Variants in ITPR1 observed in about 807,000 individuals in gnomAD.
ITPR1 encodes inositol 1,4,5-trisphosphate receptor type 1, also known as inositol 1,4,5-trisphosphate-gated calcium channel ITPR1.
ITPR1 carries 96 observed loss-of-function variants against 318.4 expected under a neutral mutation model. The observed-to-expected ratio is 0.30, with a 90% CI of 0.26 to 0.36. The LOEUF (loss-of-function observed/expected upper bound fraction) is 0.36. Among genes scored for constraint, ITPR1 ranks in the 10% least tolerant of loss-of-function variants. The probability of loss-of-function intolerance (pLI) is 1.00; values close to 1 mark genes in which losing one functional copy is unlikely to be tolerated. For missense variants in ITPR1, 2,440 were observed against 3,460.2 expected, an observed-to-expected ratio of 0.71 and a Z score of 7.40; for synonymous variants, 1,312 against 1,289.9, an observed-to-expected ratio of 1.02 and a Z score of -0.37.
At chr3:4,720,271 AGCT>A (rs1480531480) in intron 40 of ITPR1, among the ~76,000 whole-genome samples, 4 of 152,216 alleles carry the variant, frequency 2.6e-5, no homozygotes, top group African/African-American at 9.6e-5. Context: ...GACAGCTCTC[AGCT>A]GTGAGACACA....
intron 20 of ITPR1, 51 bp downstream of exon 20, chr3:4,670,977 A>G (rs1444766414): frequency 5.3e-6 from 7 of 1,315,104 alleles, no homozygotes. Flanking sequence ...AAACAGTGGC[A>G]CTTAGGAATT....
At chr3:4,656,519 A>G (rs7643701) in intron 12 of ITPR1, among the ~76,000 whole-genome samples, 21,125 of 152,166 alleles carry the variant, frequency 0.14, 3,140 homozygotes, top group African/African-American at 0.37. Flanking sequence ...AGGGATGAGC[A>G]ATTAGAGGAG....
At chr3:4,643,097 A>G (rs1197500860) in intron 7 of ITPR1, among the ~76,000 whole-genome samples, 2 of 152,208 alleles carry the variant, frequency 1.3e-5, no homozygotes, top group Non-Finnish European at 2.9e-5. Context: ...TAGGGAATGT[A>G]CCAGAAACAT....
intron 35 of ITPR1, among the ~76,000 whole-genome samples, chr3:4,702,352 G>C (rs976181549): frequency 6.6e-6 from 1 of 152,308 alleles, no homozygotes; most frequent in Non-Finnish European, 1.5e-5. Flanking sequence ...CCACGTATCA[G>C]TTTGTTTTTG....
intron 2 of ITPR1, among the ~76,000 whole-genome samples, chr3:4,512,774 T>C (rs2081930748): frequency 1.3e-5 from 2 of 152,158 alleles, no homozygotes; most frequent in South Asian, 4.1e-4. Flanking sequence ...CCTCTTGAAG[T>C]TAAATTATCC....
chr3:4,717,049 C>T (rs1437901425), intron 39 of ITPR1, among the ~76,000 whole-genome samples: 2 of 152,212 alleles, frequency 1.3e-5, no homozygotes, highest in Non-Finnish European at 2.9e-5. Flanking sequence ...GGAATTTGCC[C>T]TTGCTCCCAG....
At chr3:4,657,475 T>G (rs907660677) in intron 12 of ITPR1, among the ~76,000 whole-genome samples, 5 of 151,302 alleles carry the variant, frequency 3.3e-5, no homozygotes, top group African/African-American at 1.2e-4. Flanking sequence ...AAAGATTTTT[T>G]TTTTTTTTTT....
intron 4 of ITPR1, among the ~76,000 whole-genome samples, chr3:4,610,694 G>A (rs1383750437): frequency 6.6e-6 from 1 of 152,128 alleles, no homozygotes; most frequent in Non-Finnish European, 1.5e-5. Context: ...CATGGTTACT[G>A]TTTGTTACTC....
intron 4 of ITPR1, among the ~76,000 whole-genome samples, chr3:4,590,651 C>T (rs755222614): frequency 1.3e-5 from 2 of 152,006 alleles, no homozygotes; most frequent in Non-Finnish European, 2.9e-5. Flanking sequence ...TGAGCTCAAG[C>T]GATCCTCTTG....
intron 22 of ITPR1, among the ~76,000 whole-genome samples, chr3:4,674,723 A>C (rs2094150246): frequency 6.6e-6 from 1 of 152,100 alleles, no homozygotes; most frequent in Non-Finnish European, 1.5e-5. Flanking sequence ...GCCTTTTAAG[A>C]GCTGTATTGC....
intron 39 of ITPR1, among the ~76,000 whole-genome samples, chr3:4,713,624 A>C (rs539664843): frequency 6.6e-5 from 10 of 152,300 alleles, no homozygotes; most frequent in African/African-American, 2.2e-4. Context: ...CCGCATGAGA[A>C]ATGTCGTAAT....
chr3:4,537,184 C>T (rs1035073045), intron 4 of ITPR1, among the ~76,000 whole-genome samples: 2 of 151,994 alleles, frequency 1.3e-5, no homozygotes, highest in Non-Finnish European at 2.9e-5. Flanking sequence ...TTTTTTTATT[C>T]TCTAGGGGAG....
rs1460918525 is a variant in ITPR1 at position 4,800,509 on chromosome 3, A to G, written c.7016A>G (p.His2339Arg). 6.2e-7 allele frequency: 1 copy of G among 1,613,878 alleles called. No individual in the cohort carries two copies. ...ATCGTCATTGCCCTCCCCAAGCCCC[A>G]TGGCATCCGGGCCTTAATTGCCTCC... is the stretch of plus-strand genomic sequence containing the variant. Reference protein sequence around the residue: ...LAIVIALPKPHGIRALIASTI... With the variant: ...LAIVIALPKPRGIRALIASTI... Residue 2339 changes from histidine to arginine, a missense_variant, in exon 54 of 62, where the codon CAT becomes CGT. Physicochemically the swap from His to Arg is conservative, Grantham distance 29. Around this residue, in one of 23 missense-constraint regions of ITPR1, gnomAD observed 126 missense variants for 150.8 expected, o/e 0.84. Transcript: ENST00000649015.
At position 4,513,598 on chromosome 3, in the gene ITPR1, G is replaced by C. The variant is rs921217556; in HGVS notation, c.-16-2878G>C. ...TTCACTTATCTCGGCCACTTAATAA[G>C]TATCTTGGTTAGAAGATGCTTAATT... is the stretch of plus-strand genomic sequence containing the variant. On this transcript the variant is annotated intron_variant, in intron 2 of 61. Transcript: ENST00000649015. Among the ~76,000 whole-genome samples, 5 of 152,278 alleles carry C rather than the reference G, an allele frequency of 3.3e-5. 1 individual carries two copies. The South Asian group carries it at 1.0e-3, about 32-fold the overall frequency.
intron 40 of ITPR1, among the ~76,000 whole-genome samples, chr3:4,722,574 A>T (rs1271694153): frequency 2.0e-5 from 3 of 152,178 alleles, no homozygotes; most frequent in East Asian, 1.9e-4. Context: ...TTATTTGAAC[A>T]TATATATCCT....
rs2125223748 is a variant in ITPR1, at chr3:4,678,237, T to C, written c.2967+1436T>C. ...GGAGAAATCTTACTGAATTTATGCC[T>C]GAGCAACAGTAGAGAAAGATTCCTT... On this transcript the variant is annotated intron_variant, in intron 24 of 61. Transcript: ENST00000649015. 2.0e-5 allele frequency among the ~76,000 whole-genome samples: 3 copies of C among 152,362 alleles called. 1 individual carries two copies. The Middle Eastern group carries it at 0.01, about 518-fold the overall frequency.
intron 1 of ITPR1, 120 bp from the exon 2 acceptor site, chr3:4,494,310 CG>C (rs1041102737): frequency 6.6e-6 from 1 of 152,452 alleles, no homozygotes; most frequent in Non-Finnish European, 1.5e-5. Flanking sequence ...AGTTTGGGGG[CG>C]GGGGGGCTGT....
At chr3:4,773,977 T>C (rs1002689890) in intron 46 of ITPR1, among the ~76,000 whole-genome samples, 1 of 152,244 alleles carries the variant, frequency 6.6e-6, no homozygotes, top group African/African-American at 2.4e-5. Flanking sequence ...GTTTTAATTA[T>C]ACAAGGAATG....
intron 17 of ITPR1, among the ~76,000 whole-genome samples, chr3:4,666,250 C>G (rs1411618582): frequency 6.6e-6 from 1 of 152,068 alleles, no homozygotes; most frequent in Non-Finnish European, 1.5e-5. Flanking sequence ...AGAGTTTTTT[C>G]TTTGTAATTA....
Sources: gnomAD v4.1 joint callset for allele counts (sites outside exome capture counted in the v4.1 genomes callset) on GRCh38, gnomAD v4.1.1 for gene constraint, gnomAD v4.1.1 regional missense constraint, MANE v1.5 for transcripts, NCBI Gene and HGNC (gene_info 2026-07-23, HGNC 2026-07-21) for gene names.